PCDHA4: variants seen among roughly 807,000 people sequenced by gnomAD.
PCDHA4 encodes the protein protocadherin alpha 4, also known as protocadherin alpha-4.
Under a neutral mutation model 61.4 loss-of-function variants are expected in PCDHA4, and 49 were observed. The ratio of observed to expected loss-of-function variants is 0.80; its 90% CI spans 0.63 to 1.01. PCDHA4 has a LOEUF of 1.01. PCDHA4 is among the 50% of genes least tolerant of loss of function. The pLI, the probability that PCDHA4 is intolerant of heterozygous loss-of-function variation, is 0.00. For missense variants in PCDHA4, 1,254 were observed against 1,235.8 expected, an observed-to-expected ratio of 1.01 and a Z score of -0.22; for synonymous variants, 590 against 550.3, an observed-to-expected ratio of 1.07 and a Z score of -1.01.
At chr5:140,920,249 G>A (rs782292641) in intron 1 of PCDHA4, among the ~76,000 whole-genome samples, 15 of 152,174 alleles carry the variant, frequency 9.9e-5, no homozygotes, top group Admixed American at 3.3e-4. Context: ...ACAATACATC[G>A]CTATAATAAT....
At chr5:140,838,905 AC>A (rs1331540825) in intron 1 of PCDHA4, among the ~76,000 whole-genome samples, 1 of 151,998 alleles carries the variant, frequency 6.6e-6, no homozygotes, top group African/African-American at 2.4e-5. Context: ...ACAGAGCAAT[AC>A]CTTGCCTCAA....
At chr5:140,853,934 C>A in intron 1 of PCDHA4, 1 of 864,496 alleles carries the variant, frequency 1.2e-6, no homozygotes, top group Non-Finnish European at 1.4e-6. Flanking sequence ...TTTGGGAGGC[C>A]AAGGTGGGAG....
chr5:140,932,016 G>A lies in PCDHA4; in HGVS notation c.2386-46933G>A, dbSNP rs73266047. Among the ~76,000 whole-genome samples, 510 of 151,544 alleles carry A rather than the reference G, an allele frequency of 3.4e-3. 2 individuals carry two copies. Among genetic ancestry groups the A allele is most frequent in the African/African-American group, 0.012 (481 of 41,364 alleles). ...TCTAAGTTCTTTCATTTTAGTTTAC[G>A]GTAAGTTTACAGTATATATTAACAT... On this transcript the variant is annotated intron_variant, in intron 1 of 3. Transcript: ENST00000530339.
intron 1 of PCDHA4, among the ~76,000 whole-genome samples, chr5:140,902,680 C>T (rs943072063): frequency 3.9e-5 from 6 of 152,094 alleles, no homozygotes; most frequent in Admixed American, 6.5e-5. Context: ...GTACACCGTA[C>T]CTAATATGTG....
intron 1 of PCDHA4, chr5:140,850,551 G>T: frequency 6.3e-7 from 1 of 1,598,324 alleles, no homozygotes; most frequent in Non-Finnish European, 8.6e-7. Context: ...GTCAGTGGGT[G>T]CCACGGGCCC....
At chr5:140,817,454 C>A (rs1450053656) in intron 1 of PCDHA4, 1 of 152,226 alleles carries the variant, frequency 6.6e-6, no homozygotes, top group Non-Finnish European at 1.5e-5. Flanking sequence ...ATAACAGCAT[C>A]TTGCTGATGT....
intron 1 of PCDHA4, among the ~76,000 whole-genome samples, chr5:140,827,290 C>T (rs190258137): frequency 6.6e-6 from 1 of 152,284 alleles, no homozygotes; most frequent in African/African-American, 2.4e-5. Flanking sequence ...GAATCAAAAA[C>T]AGCAAAGCAC....
At chr5:140,922,837 C>T (rs1280492516) in intron 1 of PCDHA4, among the ~76,000 whole-genome samples, 2 of 152,134 alleles carry the variant, frequency 1.3e-5, no homozygotes, top group Non-Finnish European at 2.9e-5. Flanking sequence ...AATAGATGTC[C>T]TCAAAGAGAC....
chr5:140,838,076 TAGTGTGTG>T (rs1775469130), intron 1 of PCDHA4, among the ~76,000 whole-genome samples: 2 of 31,122 alleles, frequency 6.4e-5, no homozygotes, highest in Admixed American at 3.1e-4. Flanking sequence ...TATATATATA[TAGTGTGTG>T]TGTGTGTGTG....
At chr5:140,829,438 T>C (rs2150167889) in intron 1 of PCDHA4, 279 of 1,613,934 alleles carry the variant, frequency 1.7e-4, no homozygotes, top group African/African-American at 8.9e-4. Context: ...CCGACATGAA[T>C]GACAATGCTC....
intron 1 of PCDHA4, among the ~76,000 whole-genome samples, chr5:140,831,520 C>CTTTTTTTT (rs35178185): frequency 4.1e-5 from 5 of 122,414 alleles, no homozygotes; most frequent in Non-Finnish European, 6.6e-5. Context: ...TGCCCCCCAC[C>CTTTTTTTT]TTTTTTTTTT....
chr5:140,831,489 T>TGGG (rs2150194957), intron 1 of PCDHA4, among the ~76,000 whole-genome samples: 86,355 of 148,546 alleles, frequency 0.58, 25,923 homozygotes, highest in African/African-American at 0.72. Flanking sequence ...CCTCTGGAGT[T>TGGG]ACTACACACG....
intron 1 of PCDHA4, chr5:140,926,801 C>T: frequency 1.4e-6 from 2 of 1,451,506 alleles, no homozygotes; most frequent in Non-Finnish European, 9.0e-7. Flanking sequence ...GCGTGCTCTT[C>T]CCCGCGGCTC....
intron 1 of PCDHA4, chr5:140,842,630 G>A: frequency 6.3e-7 from 1 of 1,586,074 alleles, no homozygotes; most frequent in Non-Finnish European, 8.6e-7. Context: ...TTCGCTGTGG[G>A]CCACCGCCAG....
At chr5:140,872,850 G>T (rs1439631581) in intron 1 of PCDHA4, among the ~76,000 whole-genome samples, 2 of 152,084 alleles carry the variant, frequency 1.3e-5, no homozygotes, top group African/African-American at 4.8e-5. Context: ...ATATATTAAT[G>T]TGAGTACCTA....
At position 140,843,021 on chromosome 5, in the gene PCDHA4, A is replaced by C. The variant is rs2150350261; in HGVS notation, c.2385+33449A>C. 58 of 1,595,034 alleles carry C rather than the reference A, an allele frequency of 3.6e-5. 4 individuals are homozygous for C. The East Asian group carries it at 5.1e-4, about 14-fold the overall frequency. On this transcript the variant is annotated intron_variant, in intron 1 of 3. Coordinates refer to ENST00000530339, the MANE Select transcript of PCDHA4 (RefSeq NM_018907.4). Reference sequence around the variant, plus strand: ...AATGACAACGCGCCGGCACTGCTGGAGCCTCGGGTGGGTGGCACTGGTGGC... The same window carrying C: ...AATGACAACGCGCCGGCACTGCTGGCGCCTCGGGTGGGTGGCACTGGTGGC...
chr5:140,822,161 C>A, intron 1 of PCDHA4: 1 of 1,614,240 alleles, frequency 6.2e-7, no homozygotes, highest in Non-Finnish European at 8.5e-7. Context: ...AATGACAATC[C>A]GCCCAGGTTC....
intron 2 of PCDHA4, among the ~76,000 whole-genome samples, chr5:140,979,612 G>A (rs1223690856): frequency 6.6e-6 from 1 of 152,042 alleles, no homozygotes; most frequent in Admixed American, 6.6e-5. Flanking sequence ...CTAGAGTAAC[G>A]GTATTAGTCT....
chr5:140,871,130 A>T, intron 1 of PCDHA4: 1 of 1,613,360 alleles, frequency 6.2e-7, no homozygotes, highest in Non-Finnish European at 8.5e-7. Context: ...CAGGCGCCAA[A>T]GGCCTCTTCC....
Sources: allele counts gnomAD v4.1 joint callset (sites outside exome capture counted in the v4.1 genomes callset), GRCh38; gene constraint gnomAD v4.1.1; transcripts MANE v1.5; gene names NCBI Gene and HGNC (gene_info 2026-07-23, HGNC 2026-07-21).